PDE10A: variants seen among roughly 807,000 people sequenced by gnomAD.
The protein encoded by PDE10A is phosphodiesterase 10A, also known as cAMP and cAMP-inhibited cGMP 3',5'-cyclic phosphodiesterase 10A.
Under a neutral mutation model 97.7 loss-of-function variants are expected in PDE10A, and 39 were observed. That is an observed-to-expected ratio of 0.40 (90% CI 0.31 to 0.52). The LOEUF is 0.52. PDE10A is among the 20% of genes least tolerant of loss of function. The pLI is 0.56. For missense variants in PDE10A, 731 were observed against 1,047.8 expected, an observed-to-expected ratio of 0.70 and a Z score of 4.17; for synonymous variants, 371 against 376.8, an observed-to-expected ratio of 0.98 and a Z score of 0.18.
Position 165,402,633 on chromosome 6 carries a change from A to C in PDE10A, c.2077-6174T>G, listed in dbSNP as rs547069747. 6.6e-5 allele frequency among the ~76,000 whole-genome samples: 10 copies of C among 152,310 alleles called. No homozygotes were observed. In the East Asian group the frequency reaches 1.7e-3, roughly 26 times the overall value. ...ACTGCTGTTTGTCTAAAACTGAAAT[A>C]TATTTTGATGGCCTATCAGTCTTAG... is the stretch of plus-strand genomic sequence containing the variant. On this transcript the variant is annotated intron_variant, in intron 13 of 21. Coordinates refer to ENST00000539869, the MANE Select transcript of PDE10A (RefSeq NM_001385079.1).
intron 1 of PDE10A, among the ~76,000 whole-genome samples, chr6:165,792,182 T>A (rs1778674446): frequency 1.3e-5 from 2 of 152,192 alleles, no homozygotes; most frequent in South Asian, 4.1e-4. Context: ...CCACTTGCCC[T>A]CATCCACCAA....
rs1470448604 is a variant in PDE10A, at chr6:165,331,120, GTGTA to G, written c.*1901_*1904del. ...CCTTCTGTCTCTCGTGTGTGTGTAT[GTGTA>G]TGTATCATATATACACATATGTATA... On this transcript the variant is annotated 3_prime_UTR_variant, in exon 22 of 22. Transcript: ENST00000539869. 8 of 152,164 alleles carry G rather than the reference GTGTA, an allele frequency of 5.3e-5. No individual in the cohort carries two copies. The highest frequency in any genetic ancestry group is 1.2e-4 in the African/African-American group (5 of 41,510). 9.4% of individuals were successfully genotyped at this position (152,164 alleles called of 1,614,324 possible). A position where few individuals can be genotyped will look rare whatever the true frequency, so the allele number is the denominator to read the frequency against.
intron 1 of PDE10A, among the ~76,000 whole-genome samples, chr6:165,598,935 T>C (rs1226573027): frequency 6.6e-6 from 1 of 152,164 alleles, no homozygotes; most frequent in African/African-American, 2.4e-5. Context: ...GTTCTCTCTA[T>C]GGAATGCTCT....
At chr6:165,600,307 G>A (rs185137448) in intron 1 of PDE10A, among the ~76,000 whole-genome samples, 3 of 152,352 alleles carry the variant, frequency 2.0e-5, no homozygotes, top group African/African-American at 7.2e-5. Context: ...TGGCCAGCCA[G>A]GGCAGGGCTC....
At chr6:165,858,110 T>G (rs888289893) in intron 1 of PDE10A, among the ~76,000 whole-genome samples, 1 of 152,240 alleles carries the variant, frequency 6.6e-6, no homozygotes, top group Non-Finnish European at 1.5e-5. Context: ...GTAAAACAAT[T>G]TATTGCTTAG....
At chr6:165,353,686 T>C (rs1364160423) in intron 18 of PDE10A, among the ~76,000 whole-genome samples, 1 of 152,106 alleles carries the variant, frequency 6.6e-6, no homozygotes, top group East Asian at 1.9e-4. Flanking sequence ...AAGGCAATGG[T>C]ATGAGGACTG....
intron 1 of PDE10A, among the ~76,000 whole-genome samples, chr6:165,605,714 C>T (rs1173553833): frequency 1.3e-5 from 2 of 152,044 alleles, no homozygotes; most frequent in East Asian, 1.9e-4. Context: ...TCAAATGCTT[C>T]GGCGCATGCA....
chr6:165,578,992 G>A (rs1486293072), intron 1 of PDE10A, among the ~76,000 whole-genome samples: 3 of 152,170 alleles, frequency 2.0e-5, no homozygotes, highest in African/African-American at 7.2e-5. Flanking sequence ...ATTGAGCCTT[G>A]TAATCCACGA....
chr6:165,850,551 T>C (rs1472896456), intron 1 of PDE10A, among the ~76,000 whole-genome samples: 2 of 152,180 alleles, frequency 1.3e-5, no homozygotes, highest in African/African-American at 4.8e-5. Flanking sequence ...GAATATGATA[T>C]GTTCTCAAAA....
At chr6:165,841,725 C>T (rs1275914313) in intron 1 of PDE10A, among the ~76,000 whole-genome samples, 6 of 152,298 alleles carry the variant, frequency 3.9e-5, no homozygotes, top group East Asian at 1.9e-4. Context: ...CAGTGCTTCT[C>T]GGCCTAAGAA....
intron 17 of PDE10A, among the ~76,000 whole-genome samples, chr6:165,384,208 C>T (rs3799157): frequency 0.037 from 5,559 of 152,052 alleles, 286 homozygotes; most frequent in East Asian, 0.2. Context: ...GAAAAACAGA[C>T]AAAATACGAT....
At chr6:165,469,998 T>C (rs221735) in intron 3 of PDE10A, among the ~76,000 whole-genome samples, 1 of 151,930 alleles carries the variant, frequency 6.6e-6, no homozygotes, top group Non-Finnish European at 1.5e-5. Context: ...ACTTTAGCCC[T>C]GTGGTTTTCA....
intron 16 of PDE10A, among the ~76,000 whole-genome samples, chr6:165,389,442 T>G (rs1410659045): frequency 6.6e-6 from 1 of 152,142 alleles, no homozygotes; most frequent in Admixed American, 6.5e-5. Context: ...CCAACAGGAT[T>G]TTTTGACTGT....
At chr6:165,578,216 T>C (rs961974474) in intron 1 of PDE10A, among the ~76,000 whole-genome samples, 1 of 152,030 alleles carries the variant, frequency 6.6e-6, no homozygotes, top group African/African-American at 2.4e-5. Context: ...GACAGCAGCT[T>C]TTCTTCTTCT....
At chr6:165,422,113 G>A (rs1024042579) in intron 10 of PDE10A, among the ~76,000 whole-genome samples, 5 of 152,046 alleles carry the variant, frequency 3.3e-5, no homozygotes, top group African/African-American at 1.2e-4. Flanking sequence ...CTAAACATAT[G>A]TTCACCTTTT....
intron 1 of PDE10A, among the ~76,000 whole-genome samples, chr6:165,808,063 A>G (rs1001001582): frequency 2.0e-5 from 3 of 152,134 alleles, no homozygotes; most frequent in Admixed American, 6.5e-5. Flanking sequence ...CCGAATTTCT[A>G]CGGCCTCACG....
chr6:165,608,922 G>A (rs1157752743), intron 1 of PDE10A, among the ~76,000 whole-genome samples: 1 of 152,194 alleles, frequency 6.6e-6, no homozygotes, highest in African/African-American at 2.4e-5. Flanking sequence ...TTTGAGAAGT[G>A]TCTGTTCATA....
intron 1 of PDE10A, among the ~76,000 whole-genome samples, chr6:165,751,711 C>G (rs1793005494): frequency 6.6e-6 from 1 of 152,180 alleles, no homozygotes; most frequent in Non-Finnish European, 1.5e-5. Flanking sequence ...CAGCATAAGA[C>G]AGTCCCAGCA....
rs138557390 is a variant in PDE10A, at chr6:165,583,599, G to C, written c.866-40031C>G. Reference sequence around the variant, plus strand: ...AAATGAGGTATGACAGTGGACCCACGATCATGGAATTCACTGTTCAAACCA... The same window carrying C: ...AAATGAGGTATGACAGTGGACCCACCATCATGGAATTCACTGTTCAAACCA... On this transcript the variant is annotated intron_variant, in intron 1 of 21. Transcript: ENST00000539869. Among the ~76,000 whole-genome samples, 9 of 152,286 alleles carry C rather than the reference G, an allele frequency of 5.9e-5. No individual in the cohort carries two copies. The East Asian group carries it at 1.5e-3, about 26-fold the overall frequency.
Sources: gnomAD v4.1 joint callset for allele counts (sites outside exome capture counted in the v4.1 genomes callset) on GRCh38, gnomAD v4.1.1 for gene constraint, MANE v1.5 for transcripts, NCBI Gene and HGNC (gene_info 2026-07-23, HGNC 2026-07-21) for gene names.